The following PRKG1 variants were observed in gnomAD, a reference collection of about 807,000 sequenced individuals.
PRKG1 encodes cGMP-dependent protein kinase 1.
Under a neutral mutation model 88.1 loss-of-function variants are expected in PRKG1, and 35 were observed. The observed-to-expected ratio is 0.40, with a 90% CI of 0.30 to 0.53. PRKG1 has a LOEUF of 0.53. Among genes scored for constraint, PRKG1 ranks in the 20% least tolerant of loss-of-function variants. PRKG1 has a pLI of 0.59. For synonymous variants in PRKG1, 303 were observed against 292.5 expected, an observed-to-expected ratio of 1.04 and a Z score of -0.37; for missense variants, 540 against 839.8, an observed-to-expected ratio of 0.64 and a Z score of 4.41.
chr10:51,955,119 A>G (rs1360388528), intron 5 of PRKG1, among the ~76,000 whole-genome samples: 1 of 152,024 alleles, frequency 6.6e-6, no homozygotes, highest in Non-Finnish European at 1.5e-5. Context: ...TCTTTGGCCT[A>G]TGGGATGCAA....
chr10:51,572,876 G>A (rs377253833), intron 3 of PRKG1, among the ~76,000 whole-genome samples: 34 of 151,956 alleles, frequency 2.2e-4, no homozygotes, highest in African/African-American at 6.5e-4. Flanking sequence ...GAATTGAGGG[G>A]AGTAAGAATT....
chr10:51,331,831 T>C (rs1386839615), intron 2 of PRKG1, among the ~76,000 whole-genome samples: 3 of 152,236 alleles, frequency 2.0e-5, no homozygotes, highest in African/African-American at 7.2e-5. Context: ...CTATTTCTTA[T>C]GTCAGCTGGT....
At chr10:51,165,084 GA>G (rs914536241) in intron 2 of PRKG1, among the ~76,000 whole-genome samples, 1 of 152,124 alleles carries the variant, frequency 6.6e-6, no homozygotes, top group African/African-American at 2.4e-5. Context: ...GCAACTCCAA[GA>G]CACATAATTG....
intron 7 of PRKG1, among the ~76,000 whole-genome samples, chr10:52,064,860 C>T (rs562951140): frequency 3.5e-4 from 54 of 152,300 alleles, no homozygotes; most frequent in African/African-American, 1.2e-3. Context: ...AGATGGCCTG[C>T]CACTGCCATC....
chr10:51,699,357 G>A, intron 3 of PRKG1: 1 of 1,614,038 alleles, frequency 6.2e-7, no homozygotes, highest in Non-Finnish European at 8.5e-7. Context: ...TCCTGGTCTT[G>A]GTATTCGCAG....
intron 5 of PRKG1, among the ~76,000 whole-genome samples, chr10:51,977,498 C>T (rs1035026522): frequency 1.3e-5 from 2 of 152,026 alleles, no homozygotes; most frequent in Non-Finnish European, 2.9e-5. Flanking sequence ...AATGGGATTG[C>T]TGGGTCAAAT....
At chr10:52,163,529 G>A (rs1000993455) in intron 9 of PRKG1, among the ~76,000 whole-genome samples, 1 of 151,832 alleles carries the variant, frequency 6.6e-6, no homozygotes, top group Non-Finnish European at 1.5e-5. Flanking sequence ...ATTAAACTTT[G>A]AAAGTTTAAT....
chr10:51,342,982 T>A (rs1424496879), intron 2 of PRKG1, among the ~76,000 whole-genome samples: 1 of 152,144 alleles, frequency 6.6e-6, no homozygotes, highest in Non-Finnish European at 1.5e-5. Flanking sequence ...TATTACCACA[T>A]TAGACAGGAA....
chr10:51,725,887 C>A (rs1000161196), intron 3 of PRKG1, among the ~76,000 whole-genome samples: 20 of 152,142 alleles, frequency 1.3e-4, no homozygotes, highest in African/African-American at 4.8e-4. Flanking sequence ...GATCCACCTG[C>A]CTTGACCTCC....
At chr10:51,628,060 CTTTCT>C in intron 3 of PRKG1, among the ~76,000 whole-genome samples, 3 of 141,604 alleles carry the variant, frequency 2.1e-5, no homozygotes, top group Non-Finnish European at 3.1e-5. Flanking sequence ...CCTTTCCTTT[CTTTCT>C]TTCCTTCTTT....
chr10:51,811,536 A>G (rs1172645231), intron 4 of PRKG1, among the ~76,000 whole-genome samples: 2 of 152,162 alleles, frequency 1.3e-5, no homozygotes, highest in Non-Finnish European at 2.9e-5. Flanking sequence ...TCTTCATTCT[A>G]CTGATGAGAG....
At chr10:51,958,668 G>A (rs1843374116) in intron 5 of PRKG1, among the ~76,000 whole-genome samples, 1 of 150,940 alleles carries the variant, frequency 6.6e-6, no homozygotes, top group South Asian at 2.1e-4. Flanking sequence ...AATTACTAAG[G>A]CAATTATATA....
chr10:52,087,021 A>T (rs1165264173), intron 7 of PRKG1, among the ~76,000 whole-genome samples: 1 of 152,244 alleles, frequency 6.6e-6, no homozygotes, highest in African/African-American at 2.4e-5. Context: ...CCCATAATTC[A>T]ATTGCCTCCT....
At chr10:51,822,550 C>A (rs559161981) in intron 4 of PRKG1, among the ~76,000 whole-genome samples, 1 of 152,146 alleles carries the variant, frequency 6.6e-6, no homozygotes, top group Non-Finnish European at 1.5e-5. Context: ...TTTGTAAATA[C>A]CCCTCTACTT....
intron 2 of PRKG1, among the ~76,000 whole-genome samples, chr10:51,450,852 A>G (rs1235865268): frequency 2.1e-5 from 3 of 141,156 alleles, no homozygotes; most frequent in Non-Finnish European, 4.8e-5. Context: ...ACAAAAATTA[A>G]AAAAAAAAAA....
intron 7 of PRKG1, among the ~76,000 whole-genome samples, chr10:52,103,494 AT>A (rs1564470004): frequency 1.3e-5 from 2 of 152,008 alleles, no homozygotes; most frequent in East Asian, 3.9e-4. Context: ...TAGTAACTAT[AT>A]TTTCTTTTCT....
At chr10:51,267,387 TATA>T (rs1364481694) in intron 2 of PRKG1, among the ~76,000 whole-genome samples, 8 of 152,212 alleles carry the variant, frequency 5.3e-5, no homozygotes, top group East Asian at 1.9e-4. Context: ...TCATATAAAA[TATA>T]ATAAGTTACT....
At chr10:51,593,164 T>C (rs1190933879) in intron 3 of PRKG1, among the ~76,000 whole-genome samples, 1 of 152,222 alleles carries the variant, frequency 6.6e-6, no homozygotes, top group Non-Finnish European at 1.5e-5. Context: ...TAAATTAGTT[T>C]ATTCTATTTT....
At chr10:51,917,318 CA>C (rs1288522303) in intron 5 of PRKG1, among the ~76,000 whole-genome samples, 5,441 of 69,404 alleles carry the variant, frequency 0.078, 190 homozygotes, top group African/African-American at 0.16. Context: ...GACTCCATCT[CA>C]AAAAAAAAAA....
Sources: allele counts gnomAD v4.1 joint callset (sites outside exome capture counted in the v4.1 genomes callset), GRCh38; gene constraint gnomAD v4.1.1; transcripts MANE v1.5; gene names NCBI Gene and HGNC (gene_info 2026-07-23, HGNC 2026-07-21).